The following ADGRB3 variants were observed in gnomAD, a reference collection of about 807,000 sequenced individuals.
ADGRB3 encodes the protein brain-specific angiogenesis inhibitor 3.
A neutral mutation model predicts 193.4 loss-of-function variants in ADGRB3; 37 were observed. The ratio of observed to expected loss-of-function variants is 0.19; its 90% CI spans 0.15 to 0.25. ADGRB3 has a LOEUF of 0.25. ADGRB3 is among the 10% of genes least tolerant of loss of function. The probability of loss-of-function intolerance (pLI) is 1.00; values close to 1 mark genes in which losing one functional copy is unlikely to be tolerated. For missense variants in ADGRB3, 1,637 were observed against 1,852.9 expected (o/e 0.88, Z 2.14); for synonymous variants, 690 against 644.2 (o/e 1.07, Z -1.08).
chr6:68,720,042 T>G (rs1765550111), intron 3 of ADGRB3, among the ~76,000 whole-genome samples: 1 of 151,798 alleles, frequency 6.6e-6, no homozygotes, highest in African/African-American at 2.4e-5. Flanking sequence ...GAAATTTCAT[T>G]AAACTTCTTT....
At chr6:69,244,173 A>G (rs1766442207) in intron 20 of ADGRB3, among the ~76,000 whole-genome samples, 1 of 152,054 alleles carries the variant, frequency 6.6e-6, no homozygotes, top group Non-Finnish European at 1.5e-5. Flanking sequence ...AAAGATACAA[A>G]AATTCTCTGT....
chr6:69,114,135 A>T (rs894686580), intron 17 of ADGRB3, among the ~76,000 whole-genome samples: 2 of 152,138 alleles, frequency 1.3e-5, no homozygotes, highest in African/African-American at 4.8e-5. Flanking sequence ...ACCCTATCCC[A>T]GACATGTCCT....
At chr6:69,369,515 T>C (rs1051711820) in intron 29 of ADGRB3, among the ~76,000 whole-genome samples, 3 of 152,082 alleles carry the variant, frequency 2.0e-5, no homozygotes, top group East Asian at 3.9e-4. Context: ...CTAGGCAACA[T>C]GACAAAATCT....
At chr6:68,746,487 C>A (rs1002816365) in intron 3 of ADGRB3, among the ~76,000 whole-genome samples, 3 of 151,978 alleles carry the variant, frequency 2.0e-5, no homozygotes, top group South Asian at 4.1e-4. Context: ...GTTTGAAATA[C>A]ATGATACTAC....
intron 3 of ADGRB3, among the ~76,000 whole-genome samples, chr6:68,739,778 T>C (rs1288371126): frequency 6.6e-6 from 1 of 152,196 alleles, no homozygotes; most frequent in African/African-American, 2.4e-5. Flanking sequence ...ATATTCAAAT[T>C]GTAGGTTAAT....
At chr6:68,775,884 T>A (rs1389341153) in intron 3 of ADGRB3, among the ~76,000 whole-genome samples, 1 of 152,196 alleles carries the variant, frequency 6.6e-6, no homozygotes, top group Non-Finnish European at 1.5e-5. Flanking sequence ...AACATCCAAC[T>A]GATTTACTAT....
intron 3 of ADGRB3, among the ~76,000 whole-genome samples, chr6:68,898,489 A>G (rs1410929675): frequency 6.6e-6 from 1 of 152,156 alleles, no homozygotes; most frequent in Non-Finnish European, 1.5e-5. Flanking sequence ...GCAAGCTCAT[A>G]GTAAAATTTA....
Position 69,284,818 on chromosome 6 carries a change from CA to C in ADGRB3, c.2815-40044del, listed in dbSNP as rs59457575. ...CTCTTTATTAAAAACTTTGAGGGAA[CA>C]AAAAAAAAAGATTATTGTAATGGGC... On this transcript the variant is annotated intron_variant, in intron 20 of 31. Coordinates refer to ENST00000370598, the MANE Select transcript of ADGRB3 (RefSeq NM_001704.3). 7.6e-4 allele frequency among the ~76,000 whole-genome samples: 107 copies of C among 141,032 alleles called. 1 individual carries two copies. Among genetic ancestry groups the C allele is most frequent in the South Asian group, 3.4e-3 (15 of 4,430 alleles). The allele number at this position is 141,032 out of a possible 152,430, so 92.5% of individuals were successfully genotyped here.
chr6:69,258,736 C>T (rs1198631357), intron 20 of ADGRB3, among the ~76,000 whole-genome samples: 2 of 152,048 alleles, frequency 1.3e-5, no homozygotes, highest in African/African-American at 4.8e-5. Flanking sequence ...GTAGTGGTTC[C>T]CAACAAGAGT....
chr6:69,303,500 A>C (rs1239183764), intron 20 of ADGRB3, among the ~76,000 whole-genome samples: 1 of 151,826 alleles, frequency 6.6e-6, no homozygotes, highest in Non-Finnish European at 1.5e-5. Context: ...CTTCCACTTC[A>C]AAGTTTTTCA....
intron 19 of ADGRB3, among the ~76,000 whole-genome samples, chr6:69,236,323 G>A (rs1010422413): frequency 2.0e-5 from 3 of 151,812 alleles, no homozygotes; most frequent in Non-Finnish European, 4.4e-5. Context: ...CTTCCTTCCG[G>A]TGAAGGAATT....
chr6:68,662,011 G>T (rs1768674519), intron 3 of ADGRB3, among the ~76,000 whole-genome samples: 1 of 151,546 alleles, frequency 6.6e-6, no homozygotes, highest in Middle Eastern at 3.4e-3. Flanking sequence ...GAAATAAAAG[G>T]CTTCACTTTT....
Position 69,179,938 on chromosome 6 carries a change from G to T in ADGRB3, c.2481-53352G>T, listed in dbSNP as rs189451100. Among the ~76,000 whole-genome samples the T allele has an allele frequency of 4.9e-3, 748 of 152,268 alleles. 4 individuals carry two copies. Among genetic ancestry groups the T allele is most frequent in the Non-Finnish European group, 7.7e-3 (522 of 68,022 alleles). On this transcript the variant is annotated intron_variant, in intron 17 of 31. Coordinates refer to ENST00000370598, the MANE Select transcript of ADGRB3 (RefSeq NM_001704.3). ...TGGGCTGATTCATGAAGTGCACTGTGGTCTGAGCTCTCTCCTCAGCTTCTG... is the reference window on the plus strand; with the variant it reads ...TGGGCTGATTCATGAAGTGCACTGTTGTCTGAGCTCTCTCCTCAGCTTCTG...
At chr6:69,046,439 C>T (rs1224875783) in intron 13 of ADGRB3, among the ~76,000 whole-genome samples, 1 of 152,090 alleles carries the variant, frequency 6.6e-6, no homozygotes, top group Non-Finnish European at 1.5e-5. Flanking sequence ...TTGGACCCTG[C>T]AGGAGAGATG....
intron 3 of ADGRB3, among the ~76,000 whole-genome samples, chr6:68,861,642 A>AT (rs1765159317): frequency 6.6e-6 from 1 of 152,164 alleles, no homozygotes; most frequent in Non-Finnish European, 1.5e-5. Flanking sequence ...GTACTATTTT[A>AT]TTTTCAAGAG....
intron 13 of ADGRB3, among the ~76,000 whole-genome samples, chr6:69,023,136 G>A (rs1376418818): frequency 6.6e-6 from 1 of 151,912 alleles, no homozygotes; most frequent in African/African-American, 2.4e-5. Flanking sequence ...CTATGTTCAA[G>A]CAAAAACAAA....
intron 17 of ADGRB3, among the ~76,000 whole-genome samples, chr6:69,087,482 A>G (rs1772583436): frequency 1.3e-5 from 2 of 152,134 alleles, no homozygotes; most frequent in Non-Finnish European, 2.9e-5. Context: ...TTTTGCTCTC[A>G]TATAAAAGAC....
At chr6:69,248,904 G>C (rs1244778056) in intron 20 of ADGRB3, among the ~76,000 whole-genome samples, 1 of 152,212 alleles carries the variant, frequency 6.6e-6, no homozygotes, top group Non-Finnish European at 1.5e-5. Flanking sequence ...AACTGGAACA[G>C]AGGGACCTTG....
intron 3 of ADGRB3, among the ~76,000 whole-genome samples, chr6:68,849,192 A>G (rs1231948769): frequency 6.6e-6 from 1 of 152,030 alleles, no homozygotes; most frequent in Non-Finnish European, 1.5e-5. Context: ...GTTTCCTTCA[A>G]TAATCATTCC....
Sources: allele counts gnomAD v4.1 joint callset (sites outside exome capture counted in the v4.1 genomes callset), GRCh38; gene constraint gnomAD v4.1.1; transcripts MANE v1.5; gene names NCBI Gene and HGNC (gene_info 2026-07-23, HGNC 2026-07-21).